The following SGCD variants were observed in gnomAD, a reference collection of about 807,000 sequenced individuals.
The protein encoded by SGCD is sarcoglycan delta, also known as delta-sarcoglycan.
In SGCD, 18 loss-of-function variants were observed where a neutral mutation model predicts 36.6. The ratio of observed to expected loss-of-function variants is 0.49; its 90% CI spans 0.34 to 0.73. The LOEUF is 0.73. SGCD is among the 30% of genes least tolerant of loss of function. The pLI, the probability that SGCD is intolerant of heterozygous loss-of-function variation, is 0.01. For missense variants in SGCD, 387 were observed against 346.7 expected, an observed-to-expected ratio of 1.12 and a Z score of -0.92; for synonymous variants, 133 against 130.6, an observed-to-expected ratio of 1.02 and a Z score of -0.12.
At chr5:155,939,532 T>A (rs1264344252) in intron 1 of SGCD, among the ~76,000 whole-genome samples, 1 of 150,842 alleles carries the variant, frequency 6.6e-6, no homozygotes, top group African/African-American at 2.4e-5. Context: ...TAGTCCCAGC[T>A]ACCCAGGAAG....
the SGCD span, among the ~76,000 whole-genome samples, chr5:155,800,004 A>G: frequency 6.6e-6 from 1 of 151,494 alleles, no homozygotes; most frequent in African/African-American, 2.4e-5. Context: ...TTTTTAGTAG[A>G]GATGGGGTTT....
chr5:155,890,936 G>T (rs988785356), intron 1 of SGCD, among the ~76,000 whole-genome samples: 1 of 152,136 alleles, frequency 6.6e-6, no homozygotes, highest in Non-Finnish European at 1.5e-5. Context: ...GACAGCAGAA[G>T]AAACTGATTA....
chr5:156,564,661 C>G (rs1321405046), intron 4 of SGCD, among the ~76,000 whole-genome samples: 3 of 152,080 alleles, frequency 2.0e-5, no homozygotes, highest in Non-Finnish European at 4.4e-5. Flanking sequence ...CCTATTTCCC[C>G]CAGCCCCTAG....
chr5:156,583,762 A>G (rs1581207754), intron 4 of SGCD, among the ~76,000 whole-genome samples: 1 of 152,332 alleles, frequency 6.6e-6, no homozygotes, highest in East Asian at 1.9e-4. Flanking sequence ...AGATAAATAG[A>G]CAATAAGACA....
intron 3 of SGCD, among the ~76,000 whole-genome samples, chr5:156,463,434 T>C (rs555156563): frequency 2.0e-5 from 3 of 152,296 alleles, no homozygotes; most frequent in Non-Finnish European, 4.4e-5. Flanking sequence ...CACTGATAAA[T>C]TTGTAATAAA....
At chr5:156,527,844 A>G (rs1757708622) in intron 4 of SGCD, among the ~76,000 whole-genome samples, 1 of 152,186 alleles carries the variant, frequency 6.6e-6, no homozygotes, top group South Asian at 2.1e-4. Context: ...CCTTGCTGGG[A>G]TTCCACAGAC....
intron 2 of SGCD, among the ~76,000 whole-genome samples, chr5:156,336,832 C>T (rs115137004): frequency 9.3e-4 from 142 of 152,162 alleles, no homozygotes; most frequent in African/African-American, 3.2e-3. Context: ...AATTTGTTTT[C>T]GGTAAAAGTT....
chr5:156,039,894 G>C (rs1759593831), intron 1 of SGCD, among the ~76,000 whole-genome samples: 1 of 152,164 alleles, frequency 6.6e-6, no homozygotes, highest in African/African-American at 2.4e-5. Flanking sequence ...AGAAATGAAA[G>C]AGATTGATGT....
chr5:156,256,457 TTAACA>T (rs1184567470), intron 3 of SGCD, among the ~76,000 whole-genome samples: 3 of 152,228 alleles, frequency 2.0e-5, no homozygotes, highest in Non-Finnish European at 4.4e-5. Context: ...CTCCTCTCAC[TTAACA>T]TCATGCTTTC....
chr5:156,140,072 T>A (rs1472346074), intron 3 of SGCD, among the ~76,000 whole-genome samples: 2 of 152,252 alleles, frequency 1.3e-5, no homozygotes, highest in African/African-American at 4.8e-5. Flanking sequence ...CTTGATCCTG[T>A]ACTTCTCAGT....
chr5:156,055,201 C>T lies in SGCD; in HGVS notation c.-281-62677C>T, dbSNP rs1198128938. Among the ~76,000 whole-genome samples, 10 of 141,222 alleles carry T rather than the reference C, an allele frequency of 7.1e-5. 1 individual carries two copies. Among genetic ancestry groups the T allele is most frequent in the East Asian group, 2.0e-4 (1 of 5,122 alleles). The allele number at this position is 141,222 out of a possible 152,430, so 92.6% of individuals were successfully genotyped here. A position where few individuals can be genotyped will look rare whatever the true frequency, so the allele number is the denominator to read the frequency against. On this transcript the variant is annotated intron_variant, in intron 1 of 9. Transcript: ENST00000517913. Reference sequence around the variant, plus strand: ...AGCCCTGAGGCTACTCCTTTTTTTTCTTTCTTTCTTTCTTTTCTTTTTTTT... The same window carrying T: ...AGCCCTGAGGCTACTCCTTTTTTTTTTTTCTTTCTTTCTTTTCTTTTTTTT...
chr5:156,599,902 C>T (rs1761095659), intron 6 of SGCD, among the ~76,000 whole-genome samples: 1 of 152,196 alleles, frequency 6.6e-6, no homozygotes, highest in South Asian at 2.1e-4. Flanking sequence ...AACTCTGTGA[C>T]ATAGGGTAAT....
intron 6 of SGCD, among the ~76,000 whole-genome samples, chr5:156,642,699 C>T (rs1386397272): frequency 6.6e-6 from 1 of 151,792 alleles, no homozygotes; most frequent in Non-Finnish European, 1.5e-5. Flanking sequence ...AAACTCCTGA[C>T]GTCATGATCC....
At chr5:156,407,330 C>T (rs1453230227) in intron 3 of SGCD, among the ~76,000 whole-genome samples, 1 of 152,208 alleles carries the variant, frequency 6.6e-6, no homozygotes, top group Non-Finnish European at 1.5e-5. Context: ...AGGACTGTCT[C>T]TTAACCTCAG....
At chr5:156,533,686 A>G (rs1344769365) in intron 4 of SGCD, among the ~76,000 whole-genome samples, 1 of 152,164 alleles carries the variant, frequency 6.6e-6, no homozygotes, top group Non-Finnish European at 1.5e-5. Flanking sequence ...TACCTGTGCC[A>G]CTCTAGATGC....
intron 3 of SGCD, among the ~76,000 whole-genome samples, chr5:156,130,709 GT>G (rs1762301756): frequency 6.6e-6 from 1 of 151,820 alleles, no homozygotes. Flanking sequence ...TGTATTTCTC[GT>G]TTTTCTTTTC....
At chr5:156,122,600 G>A (rs1247051536) in intron 2 of SGCD, among the ~76,000 whole-genome samples, 1 of 151,536 alleles carries the variant, frequency 6.6e-6, no homozygotes, top group Non-Finnish European at 1.5e-5. Context: ...ATAAATGAGG[G>A]GGAAAAGAGT....
rs112882160 is a variant in SGCD at position 156,228,702 on chromosome 5, G to A, written c.-43-100832G>A. ...ATGCTATTTGTTGCCTGTATACCGT[G>A]GTTTTTTGTTTTTGTTTTTTAAATT... On this transcript the variant is annotated intron_variant, in intron 3 of 9. Coordinates refer to the SGCD transcript ENST00000517913. 0.012 allele frequency among the ~76,000 whole-genome samples: 1,735 copies of A among 150,562 alleles called. 116 individuals carry two copies. In the East Asian group the frequency reaches 0.22, roughly 19 times the overall value.
chr5:156,314,718 A>C (rs966595173), intron 3 of SGCD, among the ~76,000 whole-genome samples: 11 of 152,054 alleles, frequency 7.2e-5, no homozygotes, highest in African/African-American at 2.7e-4. Context: ...GGTAGAGAAC[A>C]TAGCAGAGGA....
Sources: gnomAD v4.1 joint callset for allele counts (sites outside exome capture counted in the v4.1 genomes callset) on GRCh38, gnomAD v4.1.1 for gene constraint, MANE v1.5 for transcripts, NCBI Gene and HGNC (gene_info 2026-07-23, HGNC 2026-07-21) for gene names.